HMGN5: variants seen among roughly 807,000 people sequenced by gnomAD.
The protein encoded by HMGN5 is high mobility group nucleosome binding domain 5.
HMGN5 carries 4 observed loss-of-function variants against 9.5 expected under a neutral mutation model. The ratio of observed to expected loss-of-function variants is 0.42; its 90% CI spans 0.21 to 0.96. HMGN5 has a LOEUF of 0.96. Among genes scored for constraint, HMGN5 ranks in the 40% least tolerant of loss-of-function variants. The probability of loss-of-function intolerance (pLI) is 0.30; values close to 1 mark genes in which losing one functional copy is unlikely to be tolerated. For synonymous variants in HMGN5, 55 were observed against 57.1 expected (o/e 0.96, Z 0.16); for missense variants, 192 against 187.5 (o/e 1.02, Z -0.14).
chrX:81,119,860 T>A (rs369430269), intron 2 of HMGN5, 43 bp from the exon 3 acceptor site: 1 of 1,085,748 alleles, frequency 9.2e-7, no homozygotes, highest in Non-Finnish European at 1.3e-6. Flanking sequence ...GTCATTGATA[T>A]AAACACATAA....
chrX:81,197,104 G>A (rs1364238480), intron 1 of HMGN5, among the ~76,000 whole-genome samples: 1 of 112,146 alleles, frequency 8.9e-6, no homozygotes, highest in Non-Finnish European at 1.9e-5. Context: ...AAATGCAAAT[G>A]TACTTATAAT....
At chrX:81,188,263 A>ATATTATTATTATTATTAT (rs558790724) in intron 1 of HMGN5, among the ~76,000 whole-genome samples, 41 of 86,968 alleles carry the variant, frequency 4.7e-4, no homozygotes, top group East Asian at 2.3e-3. Context: ...TGTGCACAGA[A>ATATTATTATTATTATTAT]TATTATTATT....
chrX:81,142,318 A>T (rs1385236454), intron 1 of HMGN5, among the ~76,000 whole-genome samples: 3 of 111,797 alleles, frequency 2.7e-5, no homozygotes, highest in East Asian at 5.6e-4. Flanking sequence ...AATATCATAG[A>T]ACTTCTGAAA....
chrX:81,157,220 A>AT (rs1181850723), intron 1 of HMGN5, among the ~76,000 whole-genome samples: 2 of 111,762 alleles, frequency 1.8e-5, no homozygotes. Context: ...GGCTTAGCTG[A>AT]TTTTATCATT....
chrX:81,185,809 G>A (rs2075475658), intron 1 of HMGN5, among the ~76,000 whole-genome samples: 2 of 110,120 alleles, frequency 1.8e-5, no homozygotes, highest in South Asian at 7.6e-4. Flanking sequence ...GTTTTTTTAG[G>A]GTTTTTATCA....
At chrX:81,135,840 A>G (rs913649011) in intron 1 of HMGN5, among the ~76,000 whole-genome samples, 2 of 111,395 alleles carry the variant, frequency 1.8e-5, no homozygotes, top group Non-Finnish European at 3.8e-5. Context: ...AACCATGTTG[A>G]GAGGTGGGGC....
chrX:81,139,477 C>T (rs750166094), intron 1 of HMGN5, among the ~76,000 whole-genome samples: 19 of 109,562 alleles, frequency 1.7e-4, no homozygotes, highest in Non-Finnish European at 3.4e-4. Context: ...CCCGCAAGGA[C>T]AGTAATTTAA....
Position 81,114,911 on chromosome X carries a change from T to C in HMGN5, c.587A>G (p.Glu196Gly). ...TTCTTTTCTGTCTTCTTCCTCTTTTTCATCTTCTCCTTTCTCTTTTCCATC... is the reference window on the plus strand; with the variant it reads ...TTCTTTTCTGTCTTCTTCCTCTTTTCCATCTTCTCCTTTCTCTTTTCCATC... The part of the protein sequence containing the change: ...GEDGKEKGED[E>G]KEEEDRKETG... The change falls in exon 7 of 7, where the codon GAA becomes GGA. Residue 196 changes from glutamate (E) to glycine (G), a missense_variant. Physicochemically the swap from Glu to Gly is moderately conservative, Grantham distance 98 (BLOSUM62 -2). Coordinates refer to ENST00000358130, the MANE Select transcript of HMGN5 (RefSeq NM_030763.3). The C allele has an allele frequency of 8.6e-7, 1 of 1,164,016 alleles. No individual in the cohort carries two copies. Among genetic ancestry groups the C allele is most frequent in the Non-Finnish European group, 1.1e-6 (1 of 872,242 alleles).
chrX:81,196,591 T>A (rs1481816240), intron 1 of HMGN5, among the ~76,000 whole-genome samples: 1 of 109,765 alleles, frequency 9.1e-6, no homozygotes, highest in Non-Finnish European at 1.9e-5. Context: ...TTTAGCTCTG[T>A]CGCCAGGCTG....
intron 1 of HMGN5, among the ~76,000 whole-genome samples, chrX:81,168,425 T>G (rs2075416856): frequency 9.0e-6 from 1 of 111,424 alleles, no homozygotes; most frequent in Non-Finnish European, 1.9e-5. Context: ...TTTGGGGTAT[T>G]TGGTGGGGGG....
intron 3 of HMGN5, among the ~76,000 whole-genome samples, chrX:81,119,200 T>A (rs1822931093): frequency 9.0e-6 from 1 of 111,593 alleles, no homozygotes; most frequent in Non-Finnish European, 1.9e-5. Flanking sequence ...TATTGTGCAT[T>A]AATTAGATTA....
intron 1 of HMGN5, among the ~76,000 whole-genome samples, chrX:81,159,570 A>G (rs925793550): frequency 9.0e-6 from 1 of 111,561 alleles, no homozygotes; most frequent in South Asian, 3.8e-4. Flanking sequence ...GGGTGATAAG[A>G]TGAATCAATA....
intron 1 of HMGN5, among the ~76,000 whole-genome samples, chrX:81,173,237 G>C (rs764984402): frequency 1.8e-5 from 2 of 110,480 alleles, no homozygotes; most frequent in African/African-American, 3.3e-5. Context: ...GATATGAGAA[G>C]GTTTCAGGAT....
intron 1 of HMGN5, among the ~76,000 whole-genome samples, chrX:81,165,474 A>G (rs1293338579): frequency 9.1e-6 from 1 of 110,276 alleles, no homozygotes; most frequent in Non-Finnish European, 1.9e-5. Flanking sequence ...CCTTAACAAA[A>G]CTCCCCTTAC....
intron 1 of HMGN5, among the ~76,000 whole-genome samples, chrX:81,137,640 G>A (rs1268248235): frequency 9.0e-6 from 1 of 110,511 alleles, no homozygotes. Flanking sequence ...CTTTCAACAA[G>A]CTAGAAAAAA....
intron 1 of HMGN5, among the ~76,000 whole-genome samples, chrX:81,135,724 G>C (rs747694391): frequency 3.8e-4 from 42 of 110,431 alleles, no homozygotes; most frequent in African/African-American, 1.2e-3. Flanking sequence ...AATGGATATG[G>C]GATTTATTTC....
At position 81,114,017 on chromosome X, in the gene HMGN5, T is replaced by A. The variant is rs868391009; in HGVS notation, c.*632A>T. On this transcript the variant is annotated 3_prime_UTR_variant, in exon 7 of 7. Coordinates refer to ENST00000358130, the MANE Select transcript of HMGN5 (RefSeq NM_030763.3). Reference sequence around the variant, plus strand: ...TCATGAATAACACAATAGAAAAAAATTAAGCACAATATTTCACTAGCTATA... The same window carrying A: ...TCATGAATAACACAATAGAAAAAAAATAAGCACAATATTTCACTAGCTATA... 1 of 111,928 alleles carries A rather than the reference T, an allele frequency of 8.9e-6. No homozygotes were observed. Among genetic ancestry groups the A allele is most frequent in the South Asian group, 3.6e-4 (1 of 2,751 alleles). The allele number at this position is 111,928 out of a possible 1,213,427, so 9.2% of individuals were successfully genotyped here.
At chrX:81,141,806 A>G (rs1222314532) in intron 1 of HMGN5, among the ~76,000 whole-genome samples, 1 of 111,813 alleles carries the variant, frequency 8.9e-6, no homozygotes, top group Non-Finnish European at 1.9e-5. Flanking sequence ...AATAACATCT[A>G]TTAGCATCAA....
rs763804983 is a variant in HMGN5, at chrX:81,194,919, T to A, written c.-124+6818A>T. Among the ~76,000 whole-genome samples the A allele has an allele frequency of 3.3e-4, 37 of 112,176 alleles. 1 individual carries two copies. Among genetic ancestry groups the A allele is most frequent in the Admixed American group, 8.5e-4 (9 of 10,590 alleles). On this transcript the variant is annotated intron_variant, in intron 1 of 6. Coordinates refer to ENST00000358130, the MANE Select transcript of HMGN5 (RefSeq NM_030763.3). ...TGTTTTAAGCTGACTAAAAGCAGAATGGAAATGCCTCTGGAATTTTCAGCT... is the reference window on the plus strand; with the variant it reads ...TGTTTTAAGCTGACTAAAAGCAGAAAGGAAATGCCTCTGGAATTTTCAGCT...
Sources: gnomAD v4.1 joint callset for allele counts (sites outside exome capture counted in the v4.1 genomes callset) on GRCh38, gnomAD v4.1.1 for gene constraint, MANE v1.5 for transcripts, NCBI Gene and HGNC (gene_info 2026-07-23, HGNC 2026-07-21) for gene names.